Variants in UNC13C observed in about 807,000 individuals in gnomAD.
UNC13C encodes protein unc-13 homolog C.
In UNC13C, 174 loss-of-function variants were observed where a neutral mutation model predicts 245.4. The observed-to-expected ratio is 0.71, with a 90% confidence interval of 0.63 to 0.80. UNC13C has a LOEUF of 0.80. UNC13C is among the 30% of genes least tolerant of loss of function. The pLI, the probability that UNC13C is intolerant of heterozygous loss-of-function variation, is 0.00. For missense variants in UNC13C, 2,829 were observed against 2,602.9 expected (o/e 1.09, Z -1.89); for synonymous variants, 992 against 895.1 (o/e 1.11, Z -1.93).
At chr15:54,119,688 T>G (rs1231416883) in intron 2 of UNC13C, among the ~76,000 whole-genome samples, 1 of 152,172 alleles carries the variant, frequency 6.6e-6, no homozygotes, top group Admixed American at 6.6e-5. Flanking sequence ...GGCTGAAAGG[T>G]AGGCCTGTTG....
chr15:53,838,349 C>T, the UNC13C span, among the ~76,000 whole-genome samples: 8 of 152,166 alleles, frequency 5.3e-5, no homozygotes, highest in African/African-American at 1.9e-4. Flanking sequence ...TGAACCAGAA[C>T]ATTTGCTAGC....
At chr15:54,485,019 TCAA>T (rs1234570437) in intron 19 of UNC13C, among the ~76,000 whole-genome samples, 1 of 152,104 alleles carries the variant, frequency 6.6e-6, no homozygotes, top group Non-Finnish European at 1.5e-5. Context: ...TTTTGTTTTA[TCAA>T]CAATTCTTAG....
At chr15:54,233,449 A>C (rs2035605730) in intron 4 of UNC13C, among the ~76,000 whole-genome samples, 1 of 152,184 alleles carries the variant, frequency 6.6e-6, no homozygotes, top group Non-Finnish European at 1.5e-5. Flanking sequence ...ACACATTTGC[A>C]ATGGTTTTAA....
At chr15:53,904,731 C>T in the UNC13C span, among the ~76,000 whole-genome samples, 2 of 152,224 alleles carry the variant, frequency 1.3e-5, no homozygotes, top group East Asian at 1.9e-4. Context: ...AAAGACTCCA[C>T]GTTTTCATGG....
the UNC13C span, among the ~76,000 whole-genome samples, chr15:53,922,115 A>G: frequency 6.6e-6 from 1 of 152,202 alleles, no homozygotes; most frequent in Non-Finnish European, 1.5e-5. Context: ...TACCATGATA[A>G]AGTGAATAAG....
chr15:54,341,701 C>T (rs2038736015), intron 17 of UNC13C, among the ~76,000 whole-genome samples: 1 of 152,146 alleles, frequency 6.6e-6, no homozygotes, highest in Non-Finnish European at 1.5e-5. Context: ...TGTTTAAAGA[C>T]ATTAAATGTT....
intron 28 of UNC13C, among the ~76,000 whole-genome samples, chr15:54,550,119 A>G (rs1355843872): frequency 6.6e-6 from 1 of 152,160 alleles, no homozygotes; most frequent in Admixed American, 6.6e-5. Flanking sequence ...TTCCCAAAAC[A>G]CTGGATTTAG....
rs557997680 is a variant in UNC13C at position 54,255,017 on chromosome 15, G to A, written c.3448+4573G>A. 2.6e-5 allele frequency among the ~76,000 whole-genome samples: 4 copies of A among 152,242 alleles called. No homozygotes were observed. The South Asian group carries it at 6.2e-4, about 24-fold the overall frequency. On this transcript the variant is annotated intron_variant, in intron 8 of 32. Transcript: ENST00000260323. ...GTCCTCCTTGCAGGGCGTGTGATGG[G>A]GTGTAGCTCGCTTCTTCAGTGCCCC...
the UNC13C span, among the ~76,000 whole-genome samples, chr15:53,966,923 A>C: frequency 1.3e-5 from 2 of 151,944 alleles, no homozygotes; most frequent in East Asian, 1.9e-4. Context: ...TTCTTTTTAC[A>C]TACCTTTATT....
the UNC13C span, among the ~76,000 whole-genome samples, chr15:53,935,968 G>A: frequency 3.3e-5 from 5 of 152,198 alleles, no homozygotes; most frequent in African/African-American, 1.2e-4. Context: ...TTCTGGCAAA[G>A]CAGGAGATCT....
At chr15:54,227,543 A>C (rs1188125534) in intron 4 of UNC13C, among the ~76,000 whole-genome samples, 1 of 152,172 alleles carries the variant, frequency 6.6e-6, no homozygotes, top group Non-Finnish European at 1.5e-5. Flanking sequence ...CTTCAGAGGG[A>C]GACCGAGGGG....
At chr15:53,890,255 C>A in the UNC13C span, among the ~76,000 whole-genome samples, 1 of 151,994 alleles carries the variant, frequency 6.6e-6, no homozygotes, top group African/African-American at 2.4e-5. Context: ...CATTCTCCTG[C>A]CTCAGCCTCC....
intron 4 of UNC13C, among the ~76,000 whole-genome samples, chr15:54,163,073 G>A (rs1243885550): frequency 2.0e-5 from 3 of 152,162 alleles, no homozygotes; most frequent in Non-Finnish European, 4.4e-5. Flanking sequence ...TGGAACCTGT[G>A]AATATGTTAC....
chr15:54,243,933 T>G (rs12905451), intron 7 of UNC13C, among the ~76,000 whole-genome samples: 1 of 152,172 alleles, frequency 6.6e-6, no homozygotes, highest in Non-Finnish European at 1.5e-5. Flanking sequence ...AGGTTGCCTG[T>G]TCACTCTTAT....
intron 2 of UNC13C, among the ~76,000 whole-genome samples, chr15:54,092,475 C>G (rs553386201): frequency 1.3e-5 from 2 of 152,238 alleles, no homozygotes; most frequent in South Asian, 4.2e-4. Context: ...TCTCATAACA[C>G]AGTGAGGTAA....
At chr15:54,134,389 A>G (rs11071047) in intron 2 of UNC13C, among the ~76,000 whole-genome samples, 55,710 of 150,758 alleles carry the variant, frequency 0.37, 10,313 homozygotes, top group Admixed American at 0.39. Flanking sequence ...GAATGGCAGG[A>G]GTTTTTTCTT....
chr15:54,054,629 C>G (rs1390996987), intron 2 of UNC13C, among the ~76,000 whole-genome samples: 1 of 152,118 alleles, frequency 6.6e-6, no homozygotes, highest in Non-Finnish European at 1.5e-5. Flanking sequence ...ATTTTCTTCA[C>G]TCCTTAAGAA....
At chr15:54,265,266 A>G (rs2036523997) in intron 9 of UNC13C, 89 bp from the exon 10 acceptor site, 1 of 1,157,486 alleles carries the variant, frequency 8.6e-7, no homozygotes, top group Admixed American at 3.7e-5. Flanking sequence ...AGCCCAAAGA[A>G]CCAAATGACA....
chr15:54,364,575 GAC>G (rs909125421), intron 17 of UNC13C, among the ~76,000 whole-genome samples: 21 of 152,128 alleles, frequency 1.4e-4, no homozygotes, highest in African/African-American at 4.8e-4. Flanking sequence ...CTGAGCTGAT[GAC>G]AGTTTATACT....
Sources: allele counts gnomAD v4.1 joint callset (sites outside exome capture counted in the v4.1 genomes callset), GRCh38; gene constraint gnomAD v4.1.1; transcripts MANE v1.5; gene names NCBI Gene and HGNC (gene_info 2026-07-23, HGNC 2026-07-21).